Variants in BCAS3 observed in about 807,000 individuals in gnomAD.
BCAS3 encodes the protein BCAS3 microtubule associated cell migration factor, also known as BCAS4/BCAS3 fusion.
In BCAS3, 53 loss-of-function variants were observed where a neutral mutation model predicts 116.1. The ratio of observed to expected loss-of-function variants is 0.46; its 90% CI spans 0.37 to 0.57. The LOEUF (loss-of-function observed/expected upper bound fraction) is 0.57, where lower values mean the gene tolerates loss of function less well. Ranked by LOEUF, BCAS3 falls within the 20% of genes least tolerant of loss-of-function variation. The pLI, the probability that BCAS3 is intolerant of heterozygous loss-of-function variation, is 0.00. For synonymous variants in BCAS3, 391 were observed against 408.2 expected, an observed-to-expected ratio of 0.96 and a Z score of 0.51; for missense variants, 917 against 1,165.4, an observed-to-expected ratio of 0.79 and a Z score of 3.10.
In BCAS3 at chr17:61,206,112, T is replaced by C. The variant is rs73993721; in HGVS notation, c.2425+121548T>C. Among the ~76,000 whole-genome samples, 664 of 152,328 alleles carry C rather than the reference T, an allele frequency of 4.4e-3. 12 individuals carry two copies. The highest frequency in any genetic ancestry group is 0.015 in the African/African-American group (620 of 41,580). Reference sequence around the variant, plus strand: ...ACAAGTCGTAGCCAGTGAAAGTTTGTATAGGCCCCTCTGTTTCTTGCACTC... The same window carrying C: ...ACAAGTCGTAGCCAGTGAAAGTTTGCATAGGCCCCTCTGTTTCTTGCACTC... On this transcript the variant is annotated intron_variant, in intron 22 of 23. Coordinates refer to ENST00000407086, the MANE Select transcript of BCAS3 (RefSeq NM_017679.5).
chr17:61,297,570 G>A (rs1241523644), intron 22 of BCAS3, among the ~76,000 whole-genome samples: 2 of 152,204 alleles, frequency 1.3e-5, no homozygotes, highest in East Asian at 3.9e-4. Context: ...AGCAGTCAGC[G>A]GGGACCTAGA....
chr17:61,366,900 TGG>T lies in BCAS3; in HGVS notation c.2426-1426_2426-1425del, dbSNP rs1275574619. Among the ~76,000 whole-genome samples the T allele has an allele frequency of 5.9e-5, 9 of 152,224 alleles. No homozygotes were observed. Among genetic ancestry groups the T allele is most frequent in the African/African-American group, 2.2e-4 (9 of 41,470 alleles). Reference sequence around the variant, plus strand: ...AGCAGGCTGGCCAAGGGCCTTTGTCTGGCCAGGAGAGTTCAGGATTATCTGGC... The same window carrying T: ...AGCAGGCTGGCCAAGGGCCTTTGTCTCCAGGAGAGTTCAGGATTATCTGGC... On this transcript the variant is annotated intron_variant, in intron 22 of 23. Transcript: ENST00000407086. The surrounding 1 kb of genome is among the most constrained non-coding windows in gnomAD (Gnocchi z 4.5).
At chr17:60,882,534 G>A (rs1180255217) in intron 9 of BCAS3, among the ~76,000 whole-genome samples, 1 of 152,090 alleles carries the variant, frequency 6.6e-6, no homozygotes, top group Non-Finnish European at 1.5e-5. Context: ...TGTCCTGAAT[G>A]GTCATGCCTA....
At chr17:60,708,655 C>G (rs540603925) in intron 4 of BCAS3, among the ~76,000 whole-genome samples, 2 of 152,032 alleles carry the variant, frequency 1.3e-5, no homozygotes, top group African/African-American at 4.8e-5. Flanking sequence ...CTCAGCCTCC[C>G]CATTAGCTGG....
intron 15 of BCAS3, among the ~76,000 whole-genome samples, chr17:61,015,150 A>G (rs1447198933): frequency 1.3e-5 from 2 of 152,194 alleles, no homozygotes; most frequent in African/African-American, 4.8e-5. Flanking sequence ...GAACTAGCAG[A>G]TTGTGTTGGA....
At chr17:61,320,370 A>G (rs2055107422) in intron 22 of BCAS3, among the ~76,000 whole-genome samples, 1 of 151,618 alleles carries the variant, frequency 6.6e-6, no homozygotes, top group Non-Finnish European at 1.5e-5. Flanking sequence ...TAGCTAAGGA[A>G]TATATGGTGA....
chr17:60,867,856 G>T (rs1308656192), intron 7 of BCAS3, among the ~76,000 whole-genome samples: 1 of 152,004 alleles, frequency 6.6e-6, no homozygotes, highest in Non-Finnish European at 1.5e-5. Flanking sequence ...TGATTTTAGG[G>T]TCAGACCTTT....
At chr17:61,351,466 C>G (rs899179074) in intron 22 of BCAS3, among the ~76,000 whole-genome samples, 3 of 152,186 alleles carry the variant, frequency 2.0e-5, no homozygotes, top group Non-Finnish European at 2.9e-5. Flanking sequence ...AATGATCTGT[C>G]ATAGAGCCTA....
chr17:61,107,756 C>A (rs545747308), intron 22 of BCAS3, among the ~76,000 whole-genome samples: 1 of 152,254 alleles, frequency 6.6e-6, no homozygotes, highest in African/African-American at 2.4e-5. Flanking sequence ...TAACTATTCA[C>A]CTATTATACA....
intron 6 of BCAS3, among the ~76,000 whole-genome samples, chr17:60,783,229 C>T (rs1029771264): frequency 5.9e-5 from 9 of 152,020 alleles, no homozygotes; most frequent in Non-Finnish European, 1.0e-4. Flanking sequence ...ATTTTTGAGA[C>T]AGTCTTGCTC....
intron 7 of BCAS3, among the ~76,000 whole-genome samples, chr17:60,825,520 T>C: frequency 7.0e-6 from 1 of 142,126 alleles, no homozygotes; most frequent in Non-Finnish European, 1.5e-5. Flanking sequence ...TAATAATTTA[T>C]AAATATTATA....
rs1209374919 is a variant in BCAS3 at position 61,286,374 on chromosome 17, G to A, written c.2426-81953G>A. On this transcript the variant is annotated intron_variant, in intron 22 of 23. Transcript: ENST00000407086. This position sits in a 1 kb window ranked among gnomAD's most constrained non-coding sequence, Gnocchi z 4.8. ...TATACTGATGTCTGCGCCCACTCCTGTGCTGGTGAAGTCTGGCGTGTGGAG... is the reference window on the plus strand; with the variant it reads ...TATACTGATGTCTGCGCCCACTCCTATGCTGGTGAAGTCTGGCGTGTGGAG... 2.0e-5 allele frequency among the ~76,000 whole-genome samples: 3 copies of A among 152,226 alleles called. No individual in the cohort carries two copies. The highest frequency in any genetic ancestry group is 4.4e-5 in the Non-Finnish European group (3 of 68,040).
chr17:61,330,978 G>A lies in BCAS3; in HGVS notation c.2426-37349G>A, dbSNP rs1021378630. ...ACCACCTCCCAAAGGGCCTCTCTGGGCGGTGAGTGTGCACTAGCACAGTGC... is the reference window on the plus strand; with the variant it reads ...ACCACCTCCCAAAGGGCCTCTCTGGACGGTGAGTGTGCACTAGCACAGTGC... On this transcript the variant is annotated intron_variant, in intron 22 of 23. Coordinates refer to ENST00000407086, the MANE Select transcript of BCAS3 (RefSeq NM_017679.5). 9.3e-4 allele frequency among the ~76,000 whole-genome samples: 141 copies of A among 152,218 alleles called. 1 individual carries two copies. Among genetic ancestry groups the A allele is most frequent in the Non-Finnish European group, 3.2e-4 (22 of 68,048 alleles).
chr17:61,329,527 G>C (rs1174430725), intron 22 of BCAS3, among the ~76,000 whole-genome samples: 2 of 151,822 alleles, frequency 1.3e-5, no homozygotes, highest in Non-Finnish European at 2.9e-5. Context: ...TTTTTTAGTA[G>C]AGACGGGGTT....
chr17:61,388,512 C>G lies in BCAS3; in HGVS notation c.2594-3465C>G. 1 of 1,062,112 alleles carries G rather than the reference C, an allele frequency of 9.4e-7. No individual in the cohort carries two copies. Among genetic ancestry groups the G allele is most frequent in the Non-Finnish European group, 1.4e-6 (1 of 739,592 alleles). The allele number at this position is 1,062,112 out of a possible 1,614,324, so 65.8% of individuals were successfully genotyped here. ...AACTCCCCCTCCTCACGGTGTGCCC[C>G]TGCGCCTCCTGACACCTCTCCACCT... On this transcript the variant is annotated intron_variant, in intron 23 of 23. Transcript: ENST00000407086. This position sits in a 1 kb window ranked among gnomAD's most constrained non-coding sequence, Gnocchi z 6.5.
At chr17:60,693,932 C>G (rs2035224299) in intron 4 of BCAS3, among the ~76,000 whole-genome samples, 1 of 142,002 alleles carries the variant, frequency 7.0e-6, no homozygotes, top group Non-Finnish European at 1.5e-5. Context: ...GTCTCCCAGG[C>G]TGGAGTGCAG....
chr17:61,117,441 A>C (rs1210445924), intron 22 of BCAS3, among the ~76,000 whole-genome samples: 1 of 152,122 alleles, frequency 6.6e-6, no homozygotes, highest in Non-Finnish European at 1.5e-5. Context: ...AGAAAAAATT[A>C]AAAATTAGCT....
At chr17:60,810,703 A>G (rs1315647164) in intron 7 of BCAS3, 4 of 666,476 alleles carry the variant, frequency 6.0e-6, no homozygotes, top group Non-Finnish European at 8.4e-6. Flanking sequence ...GTCTGTGGAG[A>G]GGGACATCCA....
chr17:61,071,513 G>A (rs1386282888), intron 19 of BCAS3, among the ~76,000 whole-genome samples: 1 of 152,154 alleles, frequency 6.6e-6, no homozygotes, highest in Non-Finnish European at 1.5e-5. Flanking sequence ...CTGGGTGGGT[G>A]GAGCCTGAAG....
Sources: allele counts gnomAD v4.1 joint callset (sites outside exome capture counted in the v4.1 genomes callset), GRCh38; gene constraint gnomAD v4.1.1; non-coding constraint Gnocchi (gnomAD v3.1); transcripts MANE v1.5; gene names NCBI Gene and HGNC (gene_info 2026-07-23, HGNC 2026-07-21).